The following UNC13C variants were observed in gnomAD, a reference collection of about 807,000 sequenced individuals.
The protein encoded by UNC13C is unc-13 homolog C.
UNC13C carries 174 observed loss-of-function variants against 245.4 expected under a neutral mutation model. The observed-to-expected ratio is 0.71, with a 90% CI of 0.63 to 0.80. UNC13C has a LOEUF of 0.80. Ranked by LOEUF, UNC13C falls within the 30% of genes least tolerant of loss-of-function variation. UNC13C has a pLI of 0.00. For synonymous variants in UNC13C, 992 were observed against 895.1 expected (o/e 1.11, Z -1.93); for missense variants, 2,829 against 2,602.9 (o/e 1.09, Z -1.89).
intron 13 of UNC13C, among the ~76,000 whole-genome samples, chr15:54,303,315 T>G (rs920701985): frequency 6.6e-6 from 1 of 152,150 alleles, no homozygotes; most frequent in Non-Finnish European, 1.5e-5. Flanking sequence ...TGATGAACAG[T>G]CTAAGGGAAA....
At chr15:54,622,536 C>A (rs890455947) in intron 31 of UNC13C, 117 bp downstream of exon 31, 2 of 731,614 alleles carry the variant, frequency 2.7e-6, no homozygotes, top group Non-Finnish European at 4.4e-6. Context: ...TTAGGGCATG[C>A]ACAAAATTTC....
At chr15:54,591,004 G>T (rs140426742) in intron 30 of UNC13C, among the ~76,000 whole-genome samples, 28 of 152,256 alleles carry the variant, frequency 1.8e-4, no homozygotes, top group African/African-American at 6.7e-4. Flanking sequence ...ATCATAAAGG[G>T]ATGCTGGATT....
At chr15:54,285,871 CTTATT>C (rs1390361748) in intron 10 of UNC13C, among the ~76,000 whole-genome samples, 1 of 151,154 alleles carries the variant, frequency 6.6e-6, no homozygotes, top group Non-Finnish European at 1.5e-5. Context: ...TCAGTAGTTA[CTTATT>C]TTATTTATTT....
intron 24 of UNC13C, among the ~76,000 whole-genome samples, chr15:54,516,356 A>G (rs1894974470): frequency 6.6e-6 from 1 of 152,188 alleles, no homozygotes; most frequent in African/African-American, 2.4e-5. Context: ...TGAGTTTATG[A>G]AAAACACACA....
At chr15:54,534,187 G>A (rs1458144538) in intron 26 of UNC13C, among the ~76,000 whole-genome samples, 1 of 152,102 alleles carries the variant, frequency 6.6e-6, no homozygotes, top group Non-Finnish European at 1.5e-5. Flanking sequence ...GTTACCAGAA[G>A]ACCAGGAACA....
rs556945137 is a variant in UNC13C, at chr15:54,191,262, C to T, written c.3072-43768C>T. 2.0e-5 allele frequency among the ~76,000 whole-genome samples: 3 copies of T among 152,224 alleles called. No individual in the cohort carries two copies. The East Asian group carries it at 5.8e-4, about 29-fold the overall frequency. On this transcript the variant is annotated intron_variant, in intron 4 of 32. Coordinates refer to ENST00000260323, the MANE Select transcript of UNC13C (RefSeq NM_001080534.3). ...TCCCCTCTGTGTGTCCATGTGTTCT[C>T]TTTGTTCAATTCCCACTTATGAGTG...
chr15:54,333,894 A>G (rs2038505162), intron 16 of UNC13C, 38 bp downstream of exon 16: 1 of 1,446,872 alleles, frequency 6.9e-7, no homozygotes, highest in Non-Finnish European at 9.6e-7. Context: ...TTGTTGTGAC[A>G]TAGAATACAT....
chr15:54,345,304 A>G (rs1236742951), intron 17 of UNC13C, among the ~76,000 whole-genome samples: 1 of 152,242 alleles, frequency 6.6e-6, no homozygotes, highest in Non-Finnish European at 1.5e-5. Context: ...AAGAAATTAT[A>G]GGTATATTTC....
At position 54,297,910 on chromosome 15, in the gene UNC13C, A is replaced by AT; in HGVS notation, c.4089dup (p.Thr1364TyrfsTer5). ...AAGGTTGCTCCATATCATATTCAAT[A>AT]TACATGTTTACATGAGGTAAATAAA... On this transcript the variant is annotated frameshift_variant, in exon 12 of 33. Coordinates refer to ENST00000260323, the MANE Select transcript of UNC13C (RefSeq NM_001080534.3). LOFTEE classifies it high-confidence loss of function. 6.3e-7 allele frequency: 1 copy of AT among 1,588,304 alleles called. No individual in the cohort carries two copies. The highest frequency in any genetic ancestry group is 8.6e-7 in the Non-Finnish European group (1 of 1,163,712).
intron 10 of UNC13C, among the ~76,000 whole-genome samples, chr15:54,272,061 A>G (rs2036700986): frequency 6.6e-6 from 1 of 152,222 alleles, no homozygotes; most frequent in South Asian, 2.1e-4. Flanking sequence ...TGGGTCTAAC[A>G]TGTTTCTGGA....
At chr15:54,385,080 A>C (rs1347708973) in intron 17 of UNC13C, among the ~76,000 whole-genome samples, 1 of 152,162 alleles carries the variant, frequency 6.6e-6, no homozygotes, top group Non-Finnish European at 1.5e-5. Context: ...AAATTAGTAC[A>C]ACTACTATGG....
chr15:53,916,272 G>A, the UNC13C span, among the ~76,000 whole-genome samples: 12 of 152,184 alleles, frequency 7.9e-5, no homozygotes, highest in African/African-American at 2.4e-4. Context: ...TTAGGGTCTA[G>A]TGGCAAGATT....
chr15:54,502,626 G>T (rs1894276301), intron 22 of UNC13C, among the ~76,000 whole-genome samples: 1 of 151,984 alleles, frequency 6.6e-6, no homozygotes, highest in Non-Finnish European at 1.5e-5. Flanking sequence ...AATGAAACTG[G>T]GTCATTAGGA....
intron 19 of UNC13C, among the ~76,000 whole-genome samples, chr15:54,482,353 G>C (rs1027731059): frequency 6.6e-6 from 1 of 152,134 alleles, no homozygotes; most frequent in Non-Finnish European, 1.5e-5. Context: ...AGGACCCAGC[G>C]TGAACTCCTT....
chr15:54,457,891 C>CAT (rs1567291826), intron 19 of UNC13C, among the ~76,000 whole-genome samples: 11 of 76,426 alleles, frequency 1.4e-4, no homozygotes, highest in African/African-American at 5.7e-4. Context: ...CTCTGCTTTT[C>CAT]GTTTTTTTTT....
At chr15:54,330,333 A>G (rs753622701) in intron 14 of UNC13C, among the ~76,000 whole-genome samples, 2 of 152,014 alleles carry the variant, frequency 1.3e-5, no homozygotes, top group Non-Finnish European at 2.9e-5. Context: ...ATTGGCCAAA[A>G]CCATGGCATG....
intron 19 of UNC13C, among the ~76,000 whole-genome samples, chr15:54,464,193 T>C (rs1276619820): frequency 6.6e-6 from 1 of 152,194 alleles, no homozygotes; most frequent in African/African-American, 2.4e-5. Context: ...AAAAACAATA[T>C]CTTGGAATCT....
intron 2 of UNC13C, among the ~76,000 whole-genome samples, chr15:54,068,127 A>G (rs757392996): frequency 4.6e-5 from 7 of 152,182 alleles, no homozygotes; most frequent in African/African-American, 9.7e-5. Context: ...TCCTGTAGTC[A>G]GTGTTAAGGA....
intron 10 of UNC13C, among the ~76,000 whole-genome samples, chr15:54,291,850 T>G (rs2037307024): frequency 6.6e-6 from 1 of 152,020 alleles, no homozygotes; most frequent in South Asian, 2.1e-4. Flanking sequence ...AGATGTAATT[T>G]GAAAAATCAG....
Sources: gnomAD v4.1 joint callset for allele counts (sites outside exome capture counted in the v4.1 genomes callset) on GRCh38, gnomAD v4.1.1 for gene constraint, MANE v1.5 for transcripts, NCBI Gene and HGNC (gene_info 2026-07-23, HGNC 2026-07-21) for gene names.